The following PAIP1 variants were observed in gnomAD, a reference collection of about 807,000 sequenced individuals.
The protein encoded by PAIP1 is poly(A) binding protein interacting protein 1, also known as polyadenylate-binding protein-interacting protein 1.
In PAIP1, 16 loss-of-function variants were observed where a neutral mutation model predicts 61.3. The observed-to-expected ratio is 0.26, with a 90% CI of 0.18 to 0.40. The LOEUF is 0.40. Among genes scored for constraint, PAIP1 ranks in the 10% least tolerant of loss-of-function variants. PAIP1 has a pLI of 1.00. For synonymous variants in PAIP1, 187 were observed against 226.2 expected (o/e 0.83, Z 1.56); for missense variants, 416 against 600.9 (o/e 0.69, Z 3.22).
At chr5:43,534,410 G>A (rs1185982793) in intron 8 of PAIP1, among the ~76,000 whole-genome samples, 3 of 152,170 alleles carry the variant, frequency 2.0e-5, no homozygotes, top group Admixed American at 2.0e-4. Flanking sequence ...CGTTGGTCAG[G>A]CTGGTCTTGA....
intron 2 of PAIP1, among the ~76,000 whole-genome samples, chr5:43,555,092 C>T (rs899648265): frequency 8.5e-5 from 13 of 152,282 alleles, no homozygotes; most frequent in African/African-American, 3.1e-4. Flanking sequence ...GAAGTCAAAA[C>T]AGTGCTATAC....
At chr5:43,554,519 G>A (rs1289800909) in intron 2 of PAIP1, among the ~76,000 whole-genome samples, 3 of 152,030 alleles carry the variant, frequency 2.0e-5, no homozygotes, top group African/African-American at 7.3e-5. Context: ...AAGAATCATG[G>A]AGTATCTAAA....
intron 4 of PAIP1, among the ~76,000 whole-genome samples, chr5:43,542,495 C>T (rs1747454449): frequency 6.8e-6 from 1 of 147,798 alleles, no homozygotes; most frequent in African/African-American, 2.5e-5. Context: ...GAGCGTGCCG[C>T]TGCACTCCAG....
intron 10 of PAIP1, among the ~76,000 whole-genome samples, chr5:43,528,213 G>C (rs1428615901): frequency 6.6e-6 from 1 of 152,130 alleles, no homozygotes; most frequent in Non-Finnish European, 1.5e-5. Flanking sequence ...AGAGATTCTG[G>C]AAGGTTAAAT....
rs1355940519 is a variant in PAIP1 at position 43,556,703 on chromosome 5, GGGTTGC to G, written c.138_143del (p.Gln47_Pro48del). 3 of 1,329,144 alleles carry G rather than the reference GGGTTGC, an allele frequency of 2.3e-6. No individual in the cohort carries two copies. Among genetic ancestry groups the G allele is most frequent in the Non-Finnish European group, 2.9e-6 (3 of 1,044,578 alleles). The allele number at this position is 1,329,144 out of a possible 1,614,324, so 82.3% of individuals were successfully genotyped here. On this transcript the variant is annotated inframe_deletion, in exon 1 of 11. Transcript: ENST00000306846. The stretch of plus-strand genomic sequence containing the variant: ...GTGGCTGCAGGAAGCCCGGGGCTTT[GGGTTGC>G]GGCGGCTGGTGCCGCGCCCGCTCAG...
At chr5:43,551,269 A>G (rs972342115) in intron 2 of PAIP1, among the ~76,000 whole-genome samples, 18 of 143,818 alleles carry the variant, frequency 1.3e-4, no homozygotes, top group African/African-American at 4.4e-4. Flanking sequence ...GTGAAACTCA[A>G]AATAAAGGAC....
At chr5:43,554,120 G>C (rs1747969899) in intron 2 of PAIP1, among the ~76,000 whole-genome samples, 1 of 152,166 alleles carries the variant, frequency 6.6e-6, no homozygotes, top group Non-Finnish European at 1.5e-5. Flanking sequence ...GTGGCTCAAA[G>C]TAGGTGGACT....
Position 43,556,004 on chromosome 5 carries a change from A to C in PAIP1, c.266-5T>G. The C allele has an allele frequency of 6.2e-7, 1 of 1,605,934 alleles. No homozygotes were observed. The highest frequency in any genetic ancestry group is 8.5e-7 in the Non-Finnish European group (1 of 1,177,812). On this transcript the variant is annotated splice_region_variant and splice_polypyrimidine_tract_variant and intron_variant, in intron 1 of 10. Coordinates refer to ENST00000306846, the MANE Select transcript of PAIP1 (RefSeq NM_006451.5). ...CTCTCAGGGGCCTCGTTTGCTCTGC[A>C]AAAGAAAAAAAAACGGGGCGTCAGA...
intron 2 of PAIP1, among the ~76,000 whole-genome samples, chr5:43,549,380 C>T (rs1308851353): frequency 6.6e-6 from 1 of 152,124 alleles, no homozygotes; most frequent in Non-Finnish European, 1.5e-5. Flanking sequence ...GTGGGAGGGA[C>T]CCAGGAGGGA....
intron 9 of PAIP1, 49 bp downstream of exon 9, chr5:43,533,689 C>T (rs1561228988): frequency 8.6e-7 from 1 of 1,168,790 alleles, no homozygotes; most frequent in Non-Finnish European, 1.3e-6. Flanking sequence ...TGTAAATTTA[C>T]TACTTTACCA....
chr5:43,547,742 G>A lies in PAIP1; in HGVS notation c.607C>T (p.Leu203Phe). 7 of 1,607,894 alleles carry A rather than the reference G, an allele frequency of 4.4e-6. 1 individual carries two copies. In the East Asian group the frequency reaches 6.7e-5, roughly 15 times the overall value. ...AGCCAACATACCTGTTGATAGATGA[G>A]TTCCACAAGTTCTTGCAAAGCATCA... is the stretch of plus-strand genomic sequence containing the variant. ...TDDALQELVE[L>F]IYQQATSIPN... Residue 203 changes from leucine (L) to phenylalanine (F), a missense_variant, in exon 3 of 11, where the codon CTC becomes TTC. This residue lies in a region of PAIP1 where 180 missense variants were observed against 211.2 expected (regional missense o/e 0.85). Coordinates refer to ENST00000306846, the MANE Select transcript of PAIP1 (RefSeq NM_006451.5).
In PAIP1 at chr5:43,527,352, A is replaced by C; in HGVS notation, c.*24T>G. On this transcript the variant is annotated 3_prime_UTR_variant, in exon 11 of 11. Coordinates refer to ENST00000306846, the MANE Select transcript of PAIP1 (RefSeq NM_006451.5). ...ATCACCATACCTAAACTGCTTTATA[A>C]AACTGATATGCTGAAATTTAACTTT... The C allele has an allele frequency of 1.3e-6, 2 of 1,564,118 alleles. No homozygotes were observed. Among genetic ancestry groups the C allele is most frequent in the Non-Finnish European group, 8.6e-7 (1 of 1,156,530 alleles).
intron 2 of PAIP1, among the ~76,000 whole-genome samples, chr5:43,551,730 G>T (rs1747873922): frequency 6.9e-6 from 1 of 144,408 alleles, no homozygotes; most frequent in Non-Finnish European, 1.5e-5. Context: ...GCTGCTTAGA[G>T]CGCTGATTTG....
At position 43,557,022 on chromosome 5, in the gene PAIP1, G is replaced by A. The variant is rs904625744; in HGVS notation, c.-176C>T. 1.1e-5 allele frequency: 12 copies of A among 1,132,944 alleles called. No homozygotes were observed. The African/African-American group carries it at 1.1e-4, about 11-fold the overall frequency. The allele number at this position is 1,132,944 out of a possible 1,614,324, so 70.2% of individuals were successfully genotyped here. A position where few individuals can be genotyped will look rare whatever the true frequency, so the allele number is the denominator to read the frequency against. On this transcript the variant is annotated 5_prime_UTR_variant, in exon 1 of 11. Coordinates refer to ENST00000306846, the MANE Select transcript of PAIP1 (RefSeq NM_006451.5). The stretch of plus-strand genomic sequence containing the variant: ...GGTGCTTCTGGCGGAGCGGACGGCA[G>A]CCCGAGCACCCGCCGCTCCAGAGCG...
At chr5:43,543,348 T>C (rs1181939686) in intron 3 of PAIP1, among the ~76,000 whole-genome samples, 1 of 149,882 alleles carries the variant, frequency 6.7e-6, no homozygotes, top group East Asian at 1.9e-4. Context: ...ATCAGTTACC[T>C]GAGGCTACCA....
Position 43,556,737 on chromosome 5 carries a change from G to A in PAIP1, c.110C>T (p.Pro37Leu), listed in dbSNP as rs1489999072. 2.2e-6 allele frequency: 3 copies of A among 1,392,326 alleles called. No individual in the cohort carries two copies. Among genetic ancestry groups the A allele is most frequent in the South Asian group, 1.6e-5 (1 of 63,144 alleles). 86.2% of individuals were successfully genotyped at this position (1,392,326 alleles called of 1,614,324 possible). Residue 37 changes from proline to leucine, a missense_variant, in exon 1 of 11, where the codon CCT (proline) becomes CTT (leucine). Physicochemically the swap from Pro to Leu is moderately conservative, Grantham distance 98 (BLOSUM62 -3). Around this residue, in one of 4 missense-constraint regions of PAIP1, gnomAD observed 97 missense variants for 89.5 expected, o/e 1.08. Transcript: ENST00000306846. ...EGGGFPNGAG[P>L]AERARHQPPQ... is the part of the protein sequence containing the mutation. Reference sequence around the variant, plus strand: ...CGGCTGGTGCCGCGCCCGCTCAGCAGGCCCCGCTCCGTTCGGGAAACCGCC... The same window carrying A: ...CGGCTGGTGCCGCGCCCGCTCAGCAAGCCCCGCTCCGTTCGGGAAACCGCC...
intron 3 of PAIP1, among the ~76,000 whole-genome samples, chr5:43,544,236 A>AC (rs1297212207): frequency 6.7e-6 from 1 of 149,776 alleles, no homozygotes; most frequent in Non-Finnish European, 1.5e-5. Flanking sequence ...ATGTCCTGCT[A>AC]CCCCTCTGAC....
intron 3 of PAIP1, among the ~76,000 whole-genome samples, chr5:43,544,146 T>TAAAA (rs568177939): frequency 6.2e-4 from 45 of 72,732 alleles, no homozygotes; most frequent in Non-Finnish European, 1.0e-3. Flanking sequence ...CCCATCTTTT[T>TAAAA]AAAAAAAAAA....
chr5:43,538,866 T>C, intron 5 of PAIP1, 58 bp downstream of exon 5: 12 of 837,744 alleles, frequency 1.4e-5, no homozygotes, highest in Non-Finnish European at 2.3e-5. Context: ...AATTCCTCAT[T>C]GAGATCAACT....
Sources: gnomAD v4.1 joint callset for allele counts (sites outside exome capture counted in the v4.1 genomes callset) on GRCh38, gnomAD v4.1.1 for gene constraint, gnomAD v4.1.1 regional missense constraint, MANE v1.5 for transcripts, NCBI Gene and HGNC (gene_info 2026-07-23, HGNC 2026-07-21) for gene names.